ZPBP: variants seen among roughly 807,000 people sequenced by gnomAD.
ZPBP encodes the protein zona pellucida-binding protein 1.
Under a neutral mutation model 44.8 loss-of-function variants are expected in ZPBP, and 26 were observed. The ratio of observed to expected loss-of-function variants is 0.58; its 90% CI spans 0.43 to 0.81. ZPBP has a LOEUF of 0.81. Among genes scored for constraint, ZPBP ranks in the 30% least tolerant of loss-of-function variants. The pLI is 0.00. For missense variants in ZPBP, 409 were observed against 434.0 expected, an observed-to-expected ratio of 0.94 and a Z score of 0.51; for synonymous variants, 174 against 153.2, an observed-to-expected ratio of 1.14 and a Z score of -1.00.
chr7:50,010,908 C>CAAA (rs71554292), intron 6 of ZPBP, among the ~76,000 whole-genome samples: 33 of 92,422 alleles, frequency 3.6e-4, no homozygotes, highest in African/African-American at 9.0e-4. Flanking sequence ...CAAGACCAAG[C>CAAA]AAAAAAAAAA....
At position 50,089,641 on chromosome 7, in the gene ZPBP, T is replaced by C; in HGVS notation, c.196A>G (p.Thr66Ala). 6.2e-7 allele frequency: 1 copy of C among 1,609,380 alleles called. No individual in the cohort carries two copies. The highest frequency in any genetic ancestry group is 1.3e-5 in the African/African-American group (1 of 74,916). The change falls in exon 2 of 8, where the codon ACA (threonine) becomes GCA (alanine). Residue 66 changes from threonine (T) to alanine (A), a missense_variant. Thr to Ala is a moderately conservative substitution (Grantham distance 58, BLOSUM62 0). Around this residue, in one of 2 missense-constraint regions of ZPBP, gnomAD observed 367 missense variants for 363.1 expected, o/e 1.01. Transcript: ENST00000046087. ...TKDSVKIVGS[T>A]SFPVKAYVML... ...TATTTATGAATACCTGGAAAACTTG[T>C]TGATCCCACTATTTTCACTGAATCT... is the stretch of plus-strand genomic sequence containing the variant.
intron 2 of ZPBP, among the ~76,000 whole-genome samples, chr7:50,084,298 TA>T (rs1802516251): frequency 6.7e-6 from 1 of 148,414 alleles, no homozygotes; most frequent in Non-Finnish European, 1.5e-5. Context: ...CCTATGATGC[TA>T]AAACCTCTTC....
At chr7:50,066,706 T>C (rs1208992640) in intron 3 of ZPBP, among the ~76,000 whole-genome samples, 1 of 152,212 alleles carries the variant, frequency 6.6e-6, no homozygotes, top group African/African-American at 2.4e-5. Context: ...TATCCAGAGA[T>C]GGTCCTCTTA....
At chr7:49,851,674 A>G (rs1264636198) in intron 2 of ZPBP, among the ~76,000 whole-genome samples, 1 of 152,154 alleles carries the variant, frequency 6.6e-6, no homozygotes, top group Admixed American at 6.5e-5. Context: ...CCTGGCCAAC[A>G]TGGTGAAACC....
At chr7:50,016,058 C>CT (rs1274860558) in intron 6 of ZPBP, among the ~76,000 whole-genome samples, 1 of 152,172 alleles carries the variant, frequency 6.6e-6, no homozygotes, top group African/African-American at 2.4e-5. Context: ...AATCCCATTA[C>CT]TGGGCACATA....
At chr7:49,847,805 G>A (rs149734595), downstream of ZPBP, among the ~76,000 whole-genome samples, 342 of 152,316 alleles carry the variant, frequency 2.2e-3, 3 homozygotes, top group African/African-American at 7.9e-3. Flanking sequence ...CTGATGATCA[G>A]AAGAGGTGGA....
chr7:50,008,576 C>A (rs11768623), intron 6 of ZPBP, among the ~76,000 whole-genome samples: 120,240 of 151,934 alleles, frequency 0.79, 47,792 homozygotes, highest in East Asian at 0.87. Flanking sequence ...ATCTTGAAAA[C>A]GAACAGAAAA....
the ZPBP span, among the ~76,000 whole-genome samples, chr7:49,840,937 A>G: frequency 6.6e-6 from 1 of 152,192 alleles, no homozygotes; most frequent in Admixed American, 6.5e-5. Flanking sequence ...GGTTAACATG[A>G]GTGACTTGAT....
downstream of ZPBP, among the ~76,000 whole-genome samples, chr7:49,850,048 C>T (rs575967053): frequency 7.9e-5 from 12 of 152,246 alleles, no homozygotes; most frequent in Non-Finnish European, 1.6e-4. Context: ...TATCCTAGCA[C>T]AGGTGCAGGA....
At chr7:50,043,385 AC>A (rs1233695073) in intron 4 of ZPBP, among the ~76,000 whole-genome samples, 3 of 151,930 alleles carry the variant, frequency 2.0e-5, no homozygotes, top group African/African-American at 7.3e-5. Context: ...GGTCTCCATG[AC>A]CTAAATGGTC....
At chr7:50,035,438 T>A (rs1384512815) in intron 4 of ZPBP, among the ~76,000 whole-genome samples, 1 of 152,204 alleles carries the variant, frequency 6.6e-6, no homozygotes, top group Non-Finnish European at 1.5e-5. Flanking sequence ...ACAGTAGAAA[T>A]AGCAAATAAT....
At chr7:49,935,536 C>G (rs1794591728), downstream of ZPBP, among the ~76,000 whole-genome samples, 1 of 152,036 alleles carries the variant, frequency 6.6e-6, no homozygotes, top group African/African-American at 2.4e-5. Flanking sequence ...GTAGCTGGGA[C>G]TACAGTCACA....
rs545941465 is a variant in ZPBP, at chr7:50,005,275, G to C, written c.783+12965C>G. 3.4e-4 allele frequency among the ~76,000 whole-genome samples: 52 copies of C among 152,030 alleles called. No homozygotes were observed. In the East Asian group the frequency reaches 3.5e-3, roughly 10 times the overall value. ...ACCACCAGCAGAGTGTGTCTACTTGGAATGAAAGGTCTCTAGAGAATAAAT... is the reference window on the plus strand; with the variant it reads ...ACCACCAGCAGAGTGTGTCTACTTGCAATGAAAGGTCTCTAGAGAATAAAT... On this transcript the variant is annotated intron_variant, in intron 6 of 7. Coordinates refer to ENST00000046087, the MANE Select transcript of ZPBP (RefSeq NM_007009.3).
In ZPBP at chr7:50,052,761, C is replaced by T. The variant is rs540192620; in HGVS notation, c.487+5228G>A. Among the ~76,000 whole-genome samples the T allele has an allele frequency of 7.9e-5, 12 of 152,156 alleles. No homozygotes were observed. In the East Asian group the frequency reaches 1.9e-3, roughly 24 times the overall value. ...GGTATATGCATACTATGCCATGCAA[C>T]TCAGCAATAAGAAAGAGTGTGTGAT... On this transcript the variant is annotated intron_variant, in intron 4 of 7. Transcript: ENST00000046087.
chr7:49,985,740 C>A (rs1326357253), intron 6 of ZPBP, among the ~76,000 whole-genome samples: 2 of 151,998 alleles, frequency 1.3e-5, no homozygotes, highest in Non-Finnish European at 2.9e-5. Flanking sequence ...GAATCCCCAA[C>A]CCGCCCCACA....
intron 7 of ZPBP, among the ~76,000 whole-genome samples, chr7:49,979,399 T>C (rs2128775890): frequency 6.6e-6 from 1 of 152,206 alleles, no homozygotes; most frequent in Non-Finnish European, 1.5e-5. Context: ...AACAGTATTT[T>C]AGAGACAGAA....
chr7:50,024,786 C>T (rs766468831), intron 5 of ZPBP, among the ~76,000 whole-genome samples: 5 of 151,680 alleles, frequency 3.3e-5, no homozygotes, highest in African/African-American at 9.7e-5. Context: ...GTTAATAATA[C>T]GGTATTATAT....
In ZPBP at chr7:49,983,523, A is replaced by T; in HGVS notation, c.784-4T>A. On this transcript the variant is annotated splice_polypyrimidine_tract_variant and splice_region_variant and intron_variant, in intron 6 of 7. Coordinates refer to ENST00000046087, the MANE Select transcript of ZPBP (RefSeq NM_007009.3). ...ATCTCTCTATGAGATTTTTAGCCTA[A>T]AACATAAATACAATTTGATAAACTG... is the stretch of plus-strand genomic sequence containing the variant. 6.4e-7 allele frequency: 1 copy of T among 1,561,116 alleles called. No individual in the cohort carries two copies.
chr7:49,923,182 G>C (rs953901659), intron 1 of ZPBP, among the ~76,000 whole-genome samples: 1 of 152,122 alleles, frequency 6.6e-6, no homozygotes, highest in African/African-American at 2.4e-5. Context: ...GAAAAACAAT[G>C]GTTAGGAAGA....
Sources: allele counts gnomAD v4.1 joint callset (sites outside exome capture counted in the v4.1 genomes callset), GRCh38; gene constraint gnomAD v4.1.1; regional missense constraint gnomAD v4.1.1; transcripts MANE v1.5; gene names NCBI Gene and HGNC (gene_info 2026-07-23, HGNC 2026-07-21).